MSI2: variants seen among roughly 807,000 people sequenced by gnomAD.
MSI2 encodes the protein musashi RNA binding protein 2.
Under a neutral mutation model 45.6 loss-of-function variants are expected in MSI2, and 17 were observed. The observed-to-expected ratio is 0.37, with a 90% CI of 0.26 to 0.56. The LOEUF (loss-of-function observed/expected upper bound fraction) is 0.56, where lower values mean the gene tolerates loss of function less well. Ranked by LOEUF, MSI2 falls within the 20% of genes least tolerant of loss-of-function variation. The pLI is 0.77. For missense variants in MSI2, 293 were observed against 444.2 expected, an observed-to-expected ratio of 0.66 and a Z score of 3.06; for synonymous variants, 156 against 158.2, an observed-to-expected ratio of 0.99 and a Z score of 0.11.
chr17:57,535,097 G>A lies in MSI2; in HGVS notation c.454+5373G>A, dbSNP rs148242112. On this transcript the variant is annotated intron_variant, in intron 7 of 13. Coordinates refer to ENST00000284073, the MANE Select transcript of MSI2 (RefSeq NM_138962.4). ...GGAGGCCGGGGAGTAGACAGCCAGC[G>A]GGAGGGAGGAAGGGTGCACTGGCCA... 9.5e-3 allele frequency among the ~76,000 whole-genome samples: 1,445 copies of A among 152,332 alleles called. 15 individuals carry two copies. The highest frequency in any genetic ancestry group is 0.035 in the South Asian group (170 of 4,828).
intron 7 of MSI2, among the ~76,000 whole-genome samples, chr17:57,594,862 C>G (rs1030131809): frequency 3.3e-5 from 5 of 152,116 alleles, no homozygotes; most frequent in Non-Finnish European, 7.3e-5. Context: ...TATGGTACAT[C>G]TGATGCTGCC....
intron 8 of MSI2, among the ~76,000 whole-genome samples, chr17:57,598,604 C>T (rs1308193878): frequency 6.6e-6 from 1 of 152,058 alleles, no homozygotes; most frequent in Non-Finnish European, 1.5e-5. Context: ...TTTCTCAGCT[C>T]CCCAGATGTC....
Position 57,574,484 on chromosome 17 carries a change from A to C in MSI2, c.455-22384A>C, listed in dbSNP as rs9910007. Among the ~76,000 whole-genome samples the C allele has an allele frequency of 1.3e-3, 193 of 152,320 alleles. 1 individual carries two copies. Among genetic ancestry groups the C allele is most frequent in the African/African-American group, 4.4e-3 (183 of 41,578 alleles). ...GGGCGGAGAAGCCAGCCCATGGGCC[A>C]GTCCACAGAGCCCAGGTCAAGGATG... On this transcript the variant is annotated intron_variant, in intron 7 of 13. Transcript: ENST00000284073.
At chr17:57,505,018 C>T (rs988160796) in intron 6 of MSI2, among the ~76,000 whole-genome samples, 4 of 151,278 alleles carry the variant, frequency 2.6e-5, no homozygotes, top group African/African-American at 9.7e-5. Context: ...GATGGGGTAG[C>T]TTGGAAGACA....
Position 57,401,375 on chromosome 17 carries a change from G to A in MSI2, c.313-4G>A. 6.2e-7 allele frequency: 1 copy of A among 1,613,164 alleles called. No homozygotes were observed. The highest frequency in any genetic ancestry group is 1.3e-5 in the African/African-American group (1 of 75,026). ...CCATGCCTTTCTCTTGTCATTTCTT[G>A]CAGATGGTCACAAGAACAAAGAAAA... On this transcript the variant is annotated splice_region_variant and splice_polypyrimidine_tract_variant and intron_variant, in intron 5 of 13. Coordinates refer to ENST00000284073, the MANE Select transcript of MSI2 (RefSeq NM_138962.4).
At chr17:57,415,241 TA>T in intron 6 of MSI2, among the ~76,000 whole-genome samples, 1 of 152,204 alleles carries the variant, frequency 6.6e-6, no homozygotes, top group South Asian at 2.1e-4. Context: ...CCAACAACAT[TA>T]AGCCACAGCA....
intron 6 of MSI2, among the ~76,000 whole-genome samples, chr17:57,496,065 C>A (rs1381300381): frequency 1.3e-5 from 2 of 152,306 alleles, no homozygotes; most frequent in Admixed American, 1.3e-4. Context: ...AGGGGTTTAT[C>A]TGAAGCTGAA....
At chr17:57,572,830 C>A (rs960668943) in intron 7 of MSI2, among the ~76,000 whole-genome samples, 1 of 152,178 alleles carries the variant, frequency 6.6e-6, no homozygotes, top group African/African-American at 2.4e-5. Flanking sequence ...TTTAGAGGAG[C>A]CTGGATTCAG....
At chr17:57,690,330 G>A in the MSI2 span, among the ~76,000 whole-genome samples, 1 of 151,976 alleles carries the variant, frequency 6.6e-6, no homozygotes, top group Non-Finnish European at 1.5e-5. Flanking sequence ...AATTGGGTAG[G>A]GTGGGCATGG....
At chr17:57,345,839 A>T (rs1015254620) in intron 5 of MSI2, among the ~76,000 whole-genome samples, 2 of 144,606 alleles carry the variant, frequency 1.4e-5, no homozygotes, top group African/African-American at 5.3e-5. Context: ...AAAAAAAATT[A>T]ACTAATGCCT....
chr17:57,438,800 A>ATTTTT lies in MSI2; in HGVS notation c.405+37339_405+37343dup, dbSNP rs374684092. ...TGAGGGTTGCAGGTCTCCCATAGGA[A>ATTTTT]TTTTTTTTTTTTTTGAGACTGCGTT... On this transcript the variant is annotated intron_variant, in intron 6 of 13. Transcript: ENST00000284073. Among the ~76,000 whole-genome samples, 1,044 of 145,044 alleles carry ATTTTT rather than the reference A, an allele frequency of 7.2e-3. 13 individuals carry two copies. Among genetic ancestry groups the ATTTTT allele is most frequent in the African/African-American group, 0.023 (899 of 39,550 alleles).
chr17:57,632,110 G>A (rs1909431555), intron 10 of MSI2: 1 of 1,245,670 alleles, frequency 8.0e-7, no homozygotes. Context: ...GGGCCAGAGG[G>A]AAACTTCTCA....
At position 57,616,049 on chromosome 17, in the gene MSI2, C is replaced by G. The variant is rs777308074; in HGVS notation, c.617C>G (p.Thr206Ser). 6.2e-7 allele frequency: 1 copy of G among 1,614,126 alleles called. No homozygotes were observed. Among genetic ancestry groups the G allele is most frequent in the East Asian group, 2.2e-5 (1 of 44,880 alleles). Residue 206 changes from threonine (T) to serine (S), a missense_variant, in exon 9 of 14, where the codon ACC becomes AGC. Physicochemically the swap from Thr to Ser is moderately conservative, Grantham distance 58. Coordinates refer to ENST00000284073, the MANE Select transcript of MSI2 (RefSeq NM_138962.4). ...TRGRARGLPY[T>S]MDAFMLGMGM... ...GGCCGGGCCCGGGGACTGCCTTACACCATGGACGCGTTCATGCTTGGCATG... is the reference window on the plus strand; with the variant it reads ...GGCCGGGCCCGGGGACTGCCTTACAGCATGGACGCGTTCATGCTTGGCATG...
At chr17:57,319,678 T>A (rs1018486321) in intron 5 of MSI2, among the ~76,000 whole-genome samples, 2 of 152,148 alleles carry the variant, frequency 1.3e-5, no homozygotes, top group Non-Finnish European at 2.9e-5. Context: ...AGAGACACGA[T>A]CATGGCTCAC....
chr17:57,643,314 G>T (rs1283345687), intron 10 of MSI2, among the ~76,000 whole-genome samples: 1 of 152,238 alleles, frequency 6.6e-6, no homozygotes, highest in South Asian at 2.1e-4. Context: ...AAGACACCAC[G>T]TTCTGTTGTG....
In MSI2 at chr17:57,513,706, C is replaced by T. The variant is rs79108313; in HGVS notation, c.406-15970C>T. ...CCCTCAGGGAGCCTCACCCCCCTCC[C>T]GGGCTCTCAAACCCTCTGGCCAGCT... On this transcript the variant is annotated intron_variant, in intron 6 of 13. Coordinates refer to ENST00000284073, the MANE Select transcript of MSI2 (RefSeq NM_138962.4). Among the ~76,000 whole-genome samples the T allele has an allele frequency of 3.2e-4, 49 of 152,316 alleles. 1 individual carries two copies. In the East Asian group the frequency reaches 8.1e-3, roughly 25 times the overall value.
chr17:57,580,441 C>T (rs566605809), intron 7 of MSI2, among the ~76,000 whole-genome samples: 1 of 152,326 alleles, frequency 6.6e-6, no homozygotes. Context: ...CGGGTGAGGC[C>T]TGCCCCCCAC....
intron 10 of MSI2, among the ~76,000 whole-genome samples, chr17:57,644,004 C>T (rs1274162659): frequency 6.6e-6 from 1 of 152,180 alleles, no homozygotes; most frequent in East Asian, 1.9e-4. Flanking sequence ...GTCATTTTCC[C>T]AGCTGCAGCT....
In MSI2 at chr17:57,257,439, C is replaced by G. The variant is rs200139117; in HGVS notation, c.104-27C>G. 7.2e-4 allele frequency: 886 copies of G among 1,228,376 alleles called. 14 individuals are homozygous for G. The highest frequency in any genetic ancestry group is 5.7e-3 in the South Asian group (440 of 77,426). The allele number at this position is 1,228,376 out of a possible 1,614,324, so 76.1% of individuals were successfully genotyped here. On this transcript the variant is annotated intron_variant, in intron 2 of 13. Transcript: ENST00000284073. ...TTTTTTCCACACCTTCTCTCCCCCC[C>G]CCATCTCTCTCTTTCTCTCTCTACA...
Sources: gnomAD v4.1 joint callset for allele counts (sites outside exome capture counted in the v4.1 genomes callset) on GRCh38, gnomAD v4.1.1 for gene constraint, MANE v1.5 for transcripts, NCBI Gene and HGNC (gene_info 2026-07-23, HGNC 2026-07-21) for gene names.